The following SHISA9 variants were observed in gnomAD, a reference collection of about 807,000 sequenced individuals.
The protein encoded by SHISA9 is shisa family member 9.
A neutral mutation model predicts 38.0 loss-of-function variants in SHISA9; 13 were observed. That is an observed-to-expected ratio of 0.34 (90% CI 0.22 to 0.54). SHISA9 has a LOEUF of 0.54. SHISA9 is among the 20% of genes least tolerant of loss of function. The probability of loss-of-function intolerance (pLI) is 0.91; values close to 1 mark genes in which losing one functional copy is unlikely to be tolerated. For missense variants in SHISA9, 538 were observed against 575.8 expected (o/e 0.93, Z 0.67); for synonymous variants, 275 against 242.0 (o/e 1.14, Z -1.27).
intron 2 of SHISA9, among the ~76,000 whole-genome samples, chr16:12,984,076 A>G (rs757385579): frequency 6.6e-5 from 10 of 152,122 alleles, no homozygotes; most frequent in African/African-American, 9.7e-5. Context: ...GGGGCTCTTC[A>G]TATGGGACCT....
intron 2 of SHISA9, among the ~76,000 whole-genome samples, chr16:13,068,180 G>A (rs777574925): frequency 6.6e-6 from 1 of 152,144 alleles, no homozygotes; most frequent in African/African-American, 2.4e-5. Context: ...TGGTGTGGGT[G>A]TTCTTAAACA....
chr16:13,119,167 C>A (rs1413687658), intron 2 of SHISA9, among the ~76,000 whole-genome samples: 1 of 152,154 alleles, frequency 6.6e-6, no homozygotes, highest in Non-Finnish European at 1.5e-5. Context: ...GCGCCTGGCC[C>A]ACTTTTGCCC....
chr16:13,472,377 A>ATTTT, the SHISA9 span, among the ~76,000 whole-genome samples: 1,145 of 55,550 alleles, frequency 0.021, 176 homozygotes, highest in African/African-American at 0.026. Flanking sequence ...GCTCTGCTAA[A>ATTTT]TTTTTTTTTT....
rs150230519 is a variant in SHISA9 at position 12,940,669 on chromosome 16, T to A, written c.691+23854T>A. 4.2e-3 allele frequency among the ~76,000 whole-genome samples: 637 copies of A among 152,346 alleles called. 1 individual carries two copies. Among genetic ancestry groups the A allele is most frequent in the Middle Eastern group, 0.02 (6 of 294 alleles). On this transcript the variant is annotated intron_variant, in intron 2 of 4. Coordinates refer to ENST00000558583, the MANE Select transcript of SHISA9 (RefSeq NM_001145204.3). Reference sequence around the variant, plus strand: ...TTCTACAGAAGTAAATTTGCCTTGCTGAGAGATGCTTTGTCCTTTGTCTCA... The same window carrying A: ...TTCTACAGAAGTAAATTTGCCTTGCAGAGAGATGCTTTGTCCTTTGTCTCA...
chr16:13,251,861 C>T, the SHISA9 span, among the ~76,000 whole-genome samples: 1 of 152,126 alleles, frequency 6.6e-6, no homozygotes, highest in African/African-American at 2.4e-5. Context: ...GGATGGTCAT[C>T]CAACAATTGA....
chr16:13,262,327 T>C, the SHISA9 span, among the ~76,000 whole-genome samples: 1 of 152,196 alleles, frequency 6.6e-6, no homozygotes, highest in African/African-American at 2.4e-5. Flanking sequence ...TGCAACATCC[T>C]TAACACTCTA....
At chr16:13,526,871 T>C in the SHISA9 span, among the ~76,000 whole-genome samples, 10 of 152,194 alleles carry the variant, frequency 6.6e-5, no homozygotes, top group African/African-American at 2.2e-4. Flanking sequence ...ACATCCATGG[T>C]GAAGAACCCT....
the SHISA9 span, among the ~76,000 whole-genome samples, chr16:13,466,892 G>A: frequency 4.6e-5 from 7 of 152,158 alleles, no homozygotes; most frequent in Non-Finnish European, 1.0e-4. Context: ...AGGATATCAG[G>A]AGAAATGTAA....
At chr16:13,015,557 C>G (rs548842192) in intron 2 of SHISA9, among the ~76,000 whole-genome samples, 1 of 152,298 alleles carries the variant, frequency 6.6e-6, no homozygotes, top group African/African-American at 2.4e-5. Context: ...TATTTTTACC[C>G]CTCATTTTTG....
chr16:13,343,626 A>T, the SHISA9 span, among the ~76,000 whole-genome samples: 32 of 152,230 alleles, frequency 2.1e-4, no homozygotes, highest in Non-Finnish European at 2.8e-4. Context: ...GAGAAATCCT[A>T]TAATTAAAGT....
At chr16:13,223,181 C>T (rs931294034) in intron 4 of SHISA9, among the ~76,000 whole-genome samples, 5 of 152,090 alleles carry the variant, frequency 3.3e-5, no homozygotes, top group African/African-American at 1.2e-4. Context: ...AATCCCAGTA[C>T]TTTGGGAGGC....
At chr16:13,339,022 C>T in the SHISA9 span, among the ~76,000 whole-genome samples, 2 of 152,106 alleles carry the variant, frequency 1.3e-5, no homozygotes, top group Admixed American at 1.3e-4. Flanking sequence ...TGACACAGAG[C>T]AAAATACTGT....
chr16:13,103,927 A>T (rs957999493), intron 2 of SHISA9, among the ~76,000 whole-genome samples: 3 of 152,118 alleles, frequency 2.0e-5, no homozygotes, highest in Non-Finnish European at 4.4e-5. Flanking sequence ...CCATTCTGGG[A>T]TATACGCCAC....
chr16:13,307,990 C>T, the SHISA9 span, among the ~76,000 whole-genome samples: 1 of 152,292 alleles, frequency 6.6e-6, no homozygotes. Context: ...TTCTGAGTGC[C>T]ATATGTTACA....
the SHISA9 span, among the ~76,000 whole-genome samples, chr16:13,436,710 T>C: frequency 6.6e-6 from 1 of 152,230 alleles, no homozygotes; most frequent in African/African-American, 2.4e-5. Flanking sequence ...CTGGTAATAC[T>C]AGTTCCTGAA....
chr16:13,548,158 T>C, the SHISA9 span, among the ~76,000 whole-genome samples: 1 of 151,914 alleles, frequency 6.6e-6, no homozygotes, highest in Admixed American at 6.6e-5. Context: ...TAACTAAATA[T>C]CCACATGGAG....
At chr16:13,249,352 T>C in the SHISA9 span, among the ~76,000 whole-genome samples, 1 of 152,240 alleles carries the variant, frequency 6.6e-6, no homozygotes, top group Non-Finnish European at 1.5e-5. Context: ...CATGTCATTT[T>C]GGGCAATCAA....
the SHISA9 span, among the ~76,000 whole-genome samples, chr16:13,312,764 C>T: frequency 5.3e-5 from 8 of 152,088 alleles, no homozygotes; most frequent in African/African-American, 1.9e-4. Context: ...AGATTTCCAT[C>T]CTTCACAATA....
At chr16:13,262,387 T>A in the SHISA9 span, among the ~76,000 whole-genome samples, 26 of 152,154 alleles carry the variant, frequency 1.7e-4, no homozygotes, top group African/African-American at 6.3e-4. Context: ...CTAGTCTCAT[T>A]TCTCAGTTCC....
Sources: allele counts gnomAD v4.1 joint callset (sites outside exome capture counted in the v4.1 genomes callset), GRCh38; gene constraint gnomAD v4.1.1; transcripts MANE v1.5; gene names NCBI Gene and HGNC (gene_info 2026-07-23, HGNC 2026-07-21).